The following LRRC8C variants were observed in gnomAD, a reference collection of about 807,000 sequenced individuals.
LRRC8C encodes the protein volume-regulated anion channel subunit LRRC8C.
Under a neutral mutation model 55.3 loss-of-function variants are expected in LRRC8C, and 20 were observed. That is an observed-to-expected ratio of 0.36 (90% CI 0.25 to 0.53). The LOEUF (loss-of-function observed/expected upper bound fraction) is 0.53, where lower values mean the gene tolerates loss of function less well. Ranked by LOEUF, LRRC8C falls within the 20% of genes least tolerant of loss-of-function variation. LRRC8C has a pLI of 0.92. For missense variants in LRRC8C, 659 were observed against 951.4 expected (o/e 0.69, Z 4.04); for synonymous variants, 376 against 360.7 (o/e 1.04, Z -0.48).
the LRRC8C span, among the ~76,000 whole-genome samples, chr1:89,619,425 A>T: frequency 6.7e-6 from 1 of 150,124 alleles, no homozygotes; most frequent in South Asian, 2.1e-4. Context: ...TAAAAATAAC[A>T]ATTTATTTAC....
Position 89,715,037 on chromosome 1 carries a change from T to G in LRRC8C, c.*55T>G. ...ACGCTTCTACCAAATACAGTATAAA[T>G]AATTAGGTAGTCTTAATGCCTTTCC... On this transcript the variant is annotated 3_prime_UTR_variant, in exon 3 of 3. Coordinates refer to ENST00000370454, the MANE Select transcript of LRRC8C (RefSeq NM_032270.5). 7.7e-7 allele frequency: 1 copy of G among 1,293,100 alleles called. No homozygotes were observed. Among genetic ancestry groups the G allele is most frequent in the Non-Finnish European group, 1.1e-6 (1 of 949,696 alleles). 80.1% of individuals were successfully genotyped at this position (1,293,100 alleles called of 1,614,324 possible).
chr1:89,686,642 G>A (rs780339248), intron 2 of LRRC8C, 31 bp downstream of exon 2: 3 of 1,612,062 alleles, frequency 1.9e-6, no homozygotes, highest in Admixed American at 3.3e-5. Flanking sequence ...CAAAATGGGG[G>A]CCAGAGCAAA....
At chr1:89,643,884 A>G (rs1212660409) in intron 1 of LRRC8C, among the ~76,000 whole-genome samples, 1 of 152,252 alleles carries the variant, frequency 6.6e-6, no homozygotes, top group South Asian at 2.1e-4. Context: ...ATTTGATAAC[A>G]TAACAATCAA....
intron 1 of LRRC8C, among the ~76,000 whole-genome samples, chr1:89,670,447 T>C (rs1221370523): frequency 6.6e-6 from 1 of 152,168 alleles, no homozygotes; most frequent in East Asian, 1.9e-4. Context: ...TCTAGTGTAA[T>C]TCTGGTAACT....
intron 1 of LRRC8C, among the ~76,000 whole-genome samples, chr1:89,673,405 T>C (rs968845186): frequency 6.6e-6 from 1 of 152,214 alleles, no homozygotes; most frequent in Non-Finnish European, 1.5e-5. Flanking sequence ...TCTAGATATC[T>C]TTGAGATGGT....
rs145268562 is a variant in LRRC8C at position 89,682,667 on chromosome 1, C to A, written c.-4-3803C>A. ...TAGACTGTGCTGAAGGGATTGTGTT[C>A]TTCACTGGTACACACTTGAAATTAA... On this transcript the variant is annotated intron_variant, in intron 1 of 2. Coordinates refer to ENST00000370454, the MANE Select transcript of LRRC8C (RefSeq NM_032270.5). Among the ~76,000 whole-genome samples, 903 of 152,324 alleles carry A rather than the reference C, an allele frequency of 5.9e-3. 9 individuals are homozygous for A. Among genetic ancestry groups the A allele is most frequent in the Non-Finnish European group, 9.2e-3 (626 of 68,022 alleles).
At chr1:89,624,531 T>G in the LRRC8C span, among the ~76,000 whole-genome samples, 1 of 152,214 alleles carries the variant, frequency 6.6e-6, no homozygotes, top group African/African-American at 2.4e-5. Flanking sequence ...AAAGCTGCAC[T>G]ATTACCAATG....
intron 2 of LRRC8C, among the ~76,000 whole-genome samples, chr1:89,709,897 G>T (rs1049360150): frequency 6.6e-6 from 1 of 151,930 alleles, no homozygotes; most frequent in Non-Finnish European, 1.5e-5. Context: ...GACTACAGGC[G>T]CCCGCCACCG....
chr1:89,620,350 A>C, the LRRC8C span, among the ~76,000 whole-genome samples: 1 of 152,224 alleles, frequency 6.6e-6, no homozygotes. Flanking sequence ...ATTTACAGAA[A>C]AGAAAGTGTG....
At chr1:89,618,162 C>A in the LRRC8C span, among the ~76,000 whole-genome samples, 1 of 152,296 alleles carries the variant, frequency 6.6e-6, no homozygotes, top group South Asian at 2.1e-4. Flanking sequence ...GCACGCTAAT[C>A]CCATGGTTGG....
Position 89,705,666 on chromosome 1 carries a change from A to T in LRRC8C, c.139-7043A>T, listed in dbSNP as rs1658461128. Among the ~76,000 whole-genome samples, 8 of 152,066 alleles carry T rather than the reference A, an allele frequency of 5.3e-5. No individual in the cohort carries two copies. In the South Asian group the frequency reaches 1.2e-3, roughly 24 times the overall value. ...CATGGTGGTGCAGGCCCGTGGTCCC[A>T]GCCACTCAGGAGGCTGAGGCTGGAA... On this transcript the variant is annotated intron_variant, in intron 2 of 2. Transcript: ENST00000370454.
At chr1:89,623,259 CAAAAT>C in the LRRC8C span, among the ~76,000 whole-genome samples, 3 of 151,956 alleles carry the variant, frequency 2.0e-5, no homozygotes, top group South Asian at 2.1e-4. Flanking sequence ...AATAATTTTT[CAAAAT>C]AAAATAGAAT....
rs570902502 is a variant in LRRC8C, at chr1:89,680,373, G to A, written c.-4-6097G>A. ...ATTACAGGCGTGAGCCACCGTGCCC[G>A]GCCAACTTTACCAATATTCTTTACC... On this transcript the variant is annotated intron_variant, in intron 1 of 2. Coordinates refer to ENST00000370454, the MANE Select transcript of LRRC8C (RefSeq NM_032270.5). 2.8e-4 allele frequency among the ~76,000 whole-genome samples: 43 copies of A among 150,892 alleles called. No individual in the cohort carries two copies. The East Asian group carries it at 4.3e-3, about 15-fold the overall frequency.
chr1:89,715,179 T>C lies in LRRC8C; in HGVS notation c.*197T>C, dbSNP rs1451771376. On this transcript the variant is annotated 3_prime_UTR_variant, in exon 3 of 3. Transcript: ENST00000370454. ...TAATATTTTGAAGTTTTATTTGTCT[T>C]GAAACACAATGTATCTATTATCTAC... 1 of 368,714 alleles carries C rather than the reference T, an allele frequency of 2.7e-6. No individual in the cohort carries two copies. Among genetic ancestry groups the C allele is most frequent in the Non-Finnish European group, 4.8e-6 (1 of 209,380 alleles). The allele number at this position is 368,714 out of a possible 1,614,324, so 22.8% of individuals were successfully genotyped here. A position where few individuals can be genotyped will look rare whatever the true frequency, so the allele number is the denominator to read the frequency against.
intron 1 of LRRC8C, among the ~76,000 whole-genome samples, chr1:89,655,552 T>G (rs1029669642): frequency 6.6e-6 from 1 of 152,246 alleles, no homozygotes; most frequent in Non-Finnish European, 1.5e-5. Context: ...TATAAAATTT[T>G]GGGCTTACAG....
At chr1:89,651,014 A>G (rs1049516597) in intron 1 of LRRC8C, among the ~76,000 whole-genome samples, 1 of 152,206 alleles carries the variant, frequency 6.6e-6, no homozygotes, top group Non-Finnish European at 1.5e-5. Context: ...TATCTCAGAA[A>G]AAAAATAATC....
intron 1 of LRRC8C, among the ~76,000 whole-genome samples, chr1:89,665,472 G>A (rs1657233955): frequency 6.6e-6 from 1 of 152,152 alleles, no homozygotes; most frequent in Non-Finnish European, 1.5e-5. Flanking sequence ...TAATATACAT[G>A]TTGGCGTCTT....
chr1:89,716,441 A>G lies in LRRC8C; in HGVS notation c.*1459A>G, dbSNP rs1000421449. ...TGTATCTCATCTAAAATTGTTCGTT[A>G]AAGTGTGAATAAATTGCTAAGTGGT... On this transcript the variant is annotated 3_prime_UTR_variant, in exon 3 of 3. Coordinates refer to ENST00000370454, the MANE Select transcript of LRRC8C (RefSeq NM_032270.5). The G allele has an allele frequency of 6.6e-6, 1 of 152,230 alleles. No individual in the cohort carries two copies. The highest frequency in any genetic ancestry group is 1.9e-4 in the East Asian group (1 of 5,202). The allele number at this position is 152,230 out of a possible 1,614,324, so 9.4% of individuals were successfully genotyped here. A position where few individuals can be genotyped will look rare whatever the true frequency, so the allele number is the denominator to read the frequency against.
chr1:89,694,578 C>T (rs969805642), intron 2 of LRRC8C, among the ~76,000 whole-genome samples: 1 of 146,486 alleles, frequency 6.8e-6, no homozygotes, highest in Admixed American at 7.1e-5. Context: ...GACACCATGC[C>T]CAGCTTCTTT....
Sources: gnomAD v4.1 joint callset for allele counts (sites outside exome capture counted in the v4.1 genomes callset) on GRCh38, gnomAD v4.1.1 for gene constraint, MANE v1.5 for transcripts, NCBI Gene and HGNC (gene_info 2026-07-23, HGNC 2026-07-21) for gene names.